The following SREK1 variants were observed in gnomAD, a reference collection of about 807,000 sequenced individuals.
SREK1 encodes the protein splicing regulatory glutamic acid and lysine rich protein 1.
SREK1 carries 13 observed loss-of-function variants against 66.5 expected under a neutral mutation model. The ratio of observed to expected loss-of-function variants is 0.20; its 90% CI spans 0.13 to 0.31. SREK1 has a LOEUF of 0.31. Among genes scored for constraint, SREK1 ranks in the 10% least tolerant of loss-of-function variants. The pLI, the probability that SREK1 is intolerant of heterozygous loss-of-function variation, is 1.00. For synonymous variants in SREK1, 265 were observed against 263.5 expected (o/e 1.01, Z -0.05); for missense variants, 607 against 769.6 (o/e 0.79, Z 2.50).
chr5:66,155,013 G>A lies in SREK1; in HGVS notation c.295+1417G>A, dbSNP rs74477810. Among the ~76,000 whole-genome samples, 650 of 152,230 alleles carry A rather than the reference G, an allele frequency of 4.3e-3. 4 individuals are homozygous for A. The highest frequency in any genetic ancestry group is 0.014 in the African/African-American group (598 of 41,552). On this transcript the variant is annotated intron_variant, in intron 2 of 11. Coordinates refer to ENST00000334121, the MANE Select transcript of SREK1 (RefSeq NM_001077199.3). The stretch of plus-strand genomic sequence containing the variant: ...AAATTAATACCACCAATAACACTGG[G>A]TCTTTTATTGTGTTAGCTTATTACT...
In SREK1 at chr5:66,144,364, C is replaced by A; in HGVS notation, c.-13C>A. 1 of 1,531,870 alleles carries A rather than the reference C, an allele frequency of 6.5e-7. No homozygotes were observed. The highest frequency in any genetic ancestry group is 2.5e-5 in the East Asian group (1 of 40,110). 94.9% of individuals were successfully genotyped at this position (1,531,870 alleles called of 1,614,324 possible). A position where few individuals can be genotyped will look rare whatever the true frequency, so the allele number is the denominator to read the frequency against. On this transcript the variant is annotated 5_prime_UTR_variant, in exon 1 of 12. Transcript: ENST00000334121. ...ACGTTGGGGAGCGGGAAGGCAACGG[C>A]AGCGGGATCGGGATGAACAGCGGCG...
At position 66,179,770 on chromosome 5, in the gene SREK1, A is replaced by ATG. The variant is rs1189610942; in HGVS notation, c.*905_*906dup. On this transcript the variant is annotated 3_prime_UTR_variant, in exon 12 of 12. Transcript: ENST00000334121. ...AGCTGAAGCTTTAGTGCCTTCTACAATGTGGTATACTGTTTTCTAGAATTT... is the reference window on the plus strand; with the variant it reads ...AGCTGAAGCTTTAGTGCCTTCTACAATGTGTGGTATACTGTTTTCTAGAATTT... 1 of 152,504 alleles carries ATG rather than the reference A, an allele frequency of 6.6e-6. No individual in the cohort carries two copies. The highest frequency in any genetic ancestry group is 2.1e-4 in the South Asian group (1 of 4,828). The allele number at this position is 152,504 out of a possible 1,614,324, so 9.4% of individuals were successfully genotyped here.
At position 66,164,907 on chromosome 5, in the gene SREK1, TCTG is replaced by T. The variant is rs753125230; in HGVS notation, c.1001+14_1001+16del. On this transcript the variant is annotated intron_variant, in intron 7 of 11. Transcript: ENST00000334121. ...CACAATCAAAACACAGGTGAGAATT[TCTG>T]CTGTCATATTTAAATTTTATTTTAG... 42 of 1,597,476 alleles carry T rather than the reference TCTG, an allele frequency of 2.6e-5. No individual in the cohort carries two copies. The highest frequency in any genetic ancestry group is 3.5e-5 in the Non-Finnish European group (41 of 1,172,360).
intron 1 of SREK1, among the ~76,000 whole-genome samples, chr5:66,146,783 C>T (rs1735865953): frequency 6.6e-6 from 1 of 152,194 alleles, no homozygotes; most frequent in Admixed American, 6.5e-5. Context: ...TTTGCAGTGT[C>T]ACATAAATTA....
intron 5 of SREK1, chr5:66,162,793 A>G (rs944694466): frequency 1.6e-5 from 8 of 499,672 alleles, no homozygotes; most frequent in Non-Finnish European, 2.7e-5. Context: ...TTATTTTCTC[A>G]TTTTCTGTTT....
intron 1 of SREK1, among the ~76,000 whole-genome samples, chr5:66,149,135 C>T (rs964753373): frequency 3.3e-5 from 5 of 152,128 alleles, no homozygotes; most frequent in East Asian, 3.9e-4. Context: ...AGGCGGATCA[C>T]GAGGTCAGGA....
intron 2 of SREK1, chr5:66,158,848 CT>C: frequency 7.7e-7 from 1 of 1,291,310 alleles, no homozygotes; most frequent in Non-Finnish European, 1.0e-6. Flanking sequence ...TGTAACACAA[CT>C]TTCGATCACC....
chr5:66,173,069 G>T (rs1745775288), intron 9 of SREK1, among the ~76,000 whole-genome samples: 1 of 151,884 alleles, frequency 6.6e-6, no homozygotes, highest in South Asian at 2.1e-4. Context: ...CTGACCTCAG[G>T]TGATCCACCC....
At chr5:66,159,928 A>G (rs1048773071) in intron 3 of SREK1, among the ~76,000 whole-genome samples, 3 of 152,084 alleles carry the variant, frequency 2.0e-5, no homozygotes, top group Non-Finnish European at 4.4e-5. Flanking sequence ...CGGGAGATCG[A>G]GACCATCCTG....
rs907713982 is a variant in SREK1, at chr5:66,163,382, C to T, written c.756-410C>T. 7.6e-5 allele frequency: 12 copies of T among 158,000 alleles called. No homozygotes were observed. In the East Asian group the frequency reaches 2.2e-3, roughly 29 times the overall value. 9.8% of individuals were successfully genotyped at this position (158,000 alleles called of 1,614,324 possible). A position where few individuals can be genotyped will look rare whatever the true frequency, so the allele number is the denominator to read the frequency against. On this transcript the variant is annotated intron_variant, in intron 5 of 11. Transcript: ENST00000334121. ...GTTCAGCGTTGGTTAAAATGGTGTA[C>T]ATAATATGATGATATACAGGTAGCT... is the stretch of plus-strand genomic sequence containing the variant.
chr5:66,178,611 C>A, intron 11 of SREK1, 108 bp from the exon 12 acceptor site: 1 of 1,072,566 alleles, frequency 9.3e-7, no homozygotes, highest in Non-Finnish European at 1.3e-6. Flanking sequence ...GAGAGAAAAT[C>A]ATACCCAGTT....
At chr5:66,160,466 T>C (rs904680210) in intron 3 of SREK1, among the ~76,000 whole-genome samples, 6 of 152,222 alleles carry the variant, frequency 3.9e-5, no homozygotes, top group African/African-American at 9.7e-5. Flanking sequence ...ATTGAACTTA[T>C]GTGTTCAAGG....
At position 66,156,690 on chromosome 5, in the gene SREK1, A is replaced by G. The variant is rs374397812; in HGVS notation, c.296-2529A>G. The G allele has an allele frequency of 1.6e-4, 159 of 985,238 alleles. 2 individuals are homozygous for G. The South Asian group carries it at 6.3e-3, about 39-fold the overall frequency. The allele number at this position is 985,238 out of a possible 1,614,324, so 61.0% of individuals were successfully genotyped here. A position where few individuals can be genotyped will look rare whatever the true frequency, so the allele number is the denominator to read the frequency against. On this transcript the variant is annotated intron_variant, in intron 2 of 11. Transcript: ENST00000334121. ...TCATCAAGGAAAATAAGTAAATATA[A>G]CAATCTGGGAGTAAAGAAGAGCCTT... is the stretch of plus-strand genomic sequence containing the variant.
intron 2 of SREK1, chr5:66,156,763 T>C (rs1580634699): frequency 1.0e-6 from 1 of 985,438 alleles, no homozygotes; most frequent in African/African-American, 1.7e-5. Context: ...CCTTGACTTA[T>C]GAAGACTTTT....
At chr5:66,157,824 T>A in intron 2 of SREK1, 1 of 580,778 alleles carries the variant, frequency 1.7e-6, no homozygotes, top group Non-Finnish European at 2.2e-6. Flanking sequence ...AGCCATTATT[T>A]AAATCAAGTT....
In SREK1 at chr5:66,153,607, C is replaced by CAAA; in HGVS notation, c.295+11_295+12insAAA. The CAAA allele has an allele frequency of 6.2e-7, 1 of 1,613,756 alleles. No individual in the cohort carries two copies. The highest frequency in any genetic ancestry group is 8.5e-7 in the Non-Finnish European group (1 of 1,179,872). ...TTCCTTGTGCAGAAGGTTGGTATCT[C>CAAA]GCTTTTTTTCCTCTTATTTGAATTT... On this transcript the variant is annotated intron_variant, in intron 2 of 11. Coordinates refer to ENST00000334121, the MANE Select transcript of SREK1 (RefSeq NM_001077199.3).
At chr5:66,164,006 T>C (rs1744969269) in intron 6 of SREK1, 84 bp downstream of exon 6, 20 of 1,467,578 alleles carry the variant, frequency 1.4e-5, no homozygotes, top group Non-Finnish European at 1.8e-5. Flanking sequence ...AATCATCTTG[T>C]TCAGTCACTT....
intron 7 of SREK1, chr5:66,167,061 T>G (rs564392635): frequency 1.3e-5 from 2 of 152,268 alleles, no homozygotes; most frequent in Admixed American, 6.5e-5. Context: ...AGACTTAGCA[T>G]GAGCGTGGGT....
rs1176000070 is a variant in SREK1, at chr5:66,180,783, T to G, written c.*1915T>G. 6.6e-6 allele frequency: 1 copy of G among 152,484 alleles called. No homozygotes were observed. Among genetic ancestry groups the G allele is most frequent in the Non-Finnish European group, 1.5e-5 (1 of 67,992 alleles). 9.4% of individuals were successfully genotyped at this position (152,484 alleles called of 1,614,324 possible). ...AGATTGTGAAAGAGTGTGTCTTGCA[T>G]CAACAGCTGTCTTATTTATGATATA... On this transcript the variant is annotated 3_prime_UTR_variant, in exon 12 of 12. Transcript: ENST00000334121.
Sources: allele counts gnomAD v4.1 joint callset (sites outside exome capture counted in the v4.1 genomes callset), GRCh38; gene constraint gnomAD v4.1.1; transcripts MANE v1.5; gene names NCBI Gene and HGNC (gene_info 2026-07-23, HGNC 2026-07-21).